Variants in GRIN2A observed in about 807,000 individuals in gnomAD.
GRIN2A encodes the protein glutamate ionotropic receptor NMDA type subunit 2A, also known as glutamate receptor ionotropic, NMDA 2A.
In GRIN2A, 22 loss-of-function variants were observed where a neutral mutation model predicts 113.4. The ratio of observed to expected loss-of-function variants is 0.19; its 90% CI spans 0.14 to 0.28. The LOEUF is 0.28. GRIN2A is among the 10% of genes least tolerant of loss of function. GRIN2A has a pLI of 1.00. For missense variants in GRIN2A, 1,502 were observed against 1,887.0 expected (o/e 0.80, Z 3.78); for synonymous variants, 827 against 738.4 (o/e 1.12, Z -1.94).
intron 4 of GRIN2A, among the ~76,000 whole-genome samples, chr16:9,889,258 T>C (rs1368099305): frequency 1.3e-5 from 2 of 152,196 alleles, no homozygotes; most frequent in Non-Finnish European, 2.9e-5. Context: ...AAATTTTTCA[T>C]AATATTCTTT....
chr16:9,787,176 G>C (rs892288201), intron 11 of GRIN2A, among the ~76,000 whole-genome samples: 5 of 151,930 alleles, frequency 3.3e-5, no homozygotes, highest in Non-Finnish European at 7.4e-5. Context: ...CCCATTCCAG[G>C]CCCTCCCAAT....
intron 2 of GRIN2A, among the ~76,000 whole-genome samples, chr16:10,114,743 C>T (rs2048695481): frequency 6.6e-6 from 1 of 152,124 alleles, no homozygotes; most frequent in Non-Finnish European, 1.5e-5. Context: ...ATCTAATAAC[C>T]AAAGAATCAC....
intron 3 of GRIN2A, among the ~76,000 whole-genome samples, chr16:9,893,322 C>G (rs2043735242): frequency 6.6e-6 from 1 of 152,136 alleles, no homozygotes; most frequent in Admixed American, 6.6e-5. Flanking sequence ...TTGTATTCTT[C>G]AAGTTCTCTG....
At chr16:9,851,526 A>C (rs533741137) in intron 4 of GRIN2A, among the ~76,000 whole-genome samples, 1 of 152,386 alleles carries the variant, frequency 6.6e-6, no homozygotes, top group South Asian at 2.1e-4. Context: ...GACATAGATC[A>C]AACCAAAAAT....
At chr16:10,046,539 C>T (rs915236690) in intron 2 of GRIN2A, among the ~76,000 whole-genome samples, 2 of 152,102 alleles carry the variant, frequency 1.3e-5, no homozygotes, top group Admixed American at 6.6e-5. Flanking sequence ...TTGCTTCTCT[C>T]GCTTATTAGT....
intron 2 of GRIN2A, among the ~76,000 whole-genome samples, chr16:10,095,764 T>C (rs911146466): frequency 2.6e-5 from 4 of 152,278 alleles, no homozygotes; most frequent in Middle Eastern, 6.8e-3. Flanking sequence ...AGATACTACC[T>C]TAACCACGGA....
At chr16:9,903,956 G>A (rs760008878) in intron 3 of GRIN2A, among the ~76,000 whole-genome samples, 1 of 152,222 alleles carries the variant, frequency 6.6e-6, no homozygotes, top group African/African-American at 2.4e-5. Context: ...TCAACTCCCT[G>A]AGGATAAGAA....
chr16:9,909,660 G>C (rs1421040724), intron 3 of GRIN2A, among the ~76,000 whole-genome samples: 1 of 152,162 alleles, frequency 6.6e-6, no homozygotes, highest in African/African-American at 2.4e-5. Context: ...ATCCCAAAAG[G>C]CTGTTTTCTG....
intron 4 of GRIN2A, among the ~76,000 whole-genome samples, chr16:9,867,760 C>A: frequency 6.6e-6 from 1 of 152,152 alleles, no homozygotes; most frequent in East Asian, 1.9e-4. Context: ...AAAATGCAAG[C>A]TTCTCCTTCT....
intron 2 of GRIN2A, among the ~76,000 whole-genome samples, chr16:10,161,724 G>A (rs987632907): frequency 1.8e-4 from 27 of 152,134 alleles, no homozygotes; most frequent in African/African-American, 5.1e-4. Context: ...TCAAGCAGCT[G>A]GCAGGGTGGC....
intron 2 of GRIN2A, among the ~76,000 whole-genome samples, chr16:10,095,060 C>G (rs1444631300): frequency 6.6e-6 from 1 of 151,860 alleles, no homozygotes; most frequent in Non-Finnish European, 1.5e-5. Flanking sequence ...GACTGGTGAA[C>G]TTGTAAGTAG....
chr16:9,811,889 G>C (rs569898838), intron 10 of GRIN2A, among the ~76,000 whole-genome samples: 1 of 152,118 alleles, frequency 6.6e-6, no homozygotes, highest in Non-Finnish European at 1.5e-5. Flanking sequence ...GGCTTGGCTC[G>C]AATAGAAGAA....
At chr16:9,921,026 C>G (rs1229375047) in intron 3 of GRIN2A, among the ~76,000 whole-genome samples, 1 of 152,148 alleles carries the variant, frequency 6.6e-6, no homozygotes, top group Non-Finnish European at 1.5e-5. Context: ...TCTCAAGGGA[C>G]TCATTCCAGA....
intron 10 of GRIN2A, among the ~76,000 whole-genome samples, chr16:9,820,480 A>C (rs1485182385): frequency 6.6e-6 from 1 of 152,250 alleles, no homozygotes; most frequent in Non-Finnish European, 1.5e-5. Context: ...CTCATTAACA[A>C]AAGAAGCATT....
At chr16:9,914,404 A>G (rs1469412354) in intron 3 of GRIN2A, among the ~76,000 whole-genome samples, 1 of 152,208 alleles carries the variant, frequency 6.6e-6, no homozygotes, top group Non-Finnish European at 1.5e-5. Context: ...TTCAGATAAC[A>G]AAATTGTCCA....
intron 4 of GRIN2A, among the ~76,000 whole-genome samples, chr16:9,854,495 C>A (rs1409238887): frequency 6.6e-6 from 1 of 152,132 alleles, no homozygotes; most frequent in Non-Finnish European, 1.5e-5. Flanking sequence ...GTCTCCATTT[C>A]CACAGTGGCA....
At chr16:10,127,386 T>A (rs907171608) in intron 2 of GRIN2A, among the ~76,000 whole-genome samples, 1 of 152,138 alleles carries the variant, frequency 6.6e-6, no homozygotes, top group African/African-American at 2.4e-5. Context: ...AACCTCTGCA[T>A]GTGATATTCC....
At chr16:9,983,103 A>T (rs2141783088) in intron 2 of GRIN2A, among the ~76,000 whole-genome samples, 1 of 152,298 alleles carries the variant, frequency 6.6e-6, no homozygotes, top group South Asian at 2.1e-4. Context: ...CAAACTTGTC[A>T]TTTCTTGTAT....
At chr16:9,826,302 T>A (rs1379558536) in intron 9 of GRIN2A, among the ~76,000 whole-genome samples, 1 of 152,186 alleles carries the variant, frequency 6.6e-6, no homozygotes, top group Non-Finnish European at 1.5e-5. Flanking sequence ...ATTTCCTCTG[T>A]CAGAGTGATT....
Sources: allele counts gnomAD v4.1 joint callset (sites outside exome capture counted in the v4.1 genomes callset), GRCh38; gene constraint gnomAD v4.1.1; transcripts MANE v1.5; gene names NCBI Gene and HGNC (gene_info 2026-07-23, HGNC 2026-07-21).